The following RGS17 variants were observed in gnomAD, a reference collection of about 807,000 sequenced individuals.
RGS17 encodes regulator of G-protein signaling 17.
A neutral mutation model predicts 25.5 loss-of-function variants in RGS17; 12 were observed. The observed-to-expected ratio is 0.47, with a 90% CI of 0.30 to 0.76. The LOEUF (loss-of-function observed/expected upper bound fraction) is 0.76, where lower values mean the gene tolerates loss of function less well. Ranked by LOEUF, RGS17 falls within the 30% of genes least tolerant of loss-of-function variation. The pLI is 0.07. For missense variants in RGS17, 196 were observed against 242.2 expected (o/e 0.81, Z 1.27); for synonymous variants, 71 against 76.9 (o/e 0.92, Z 0.40).
At chr6:153,123,951 T>C (rs1777672176) in intron 1 of RGS17, among the ~76,000 whole-genome samples, 1 of 152,140 alleles carries the variant, frequency 6.6e-6, no homozygotes, top group African/African-American at 2.4e-5. Context: ...ACAAAGAGGG[T>C]TAAGCCTCCA....
At chr6:153,072,700 T>C (rs1367353976) in intron 1 of RGS17, among the ~76,000 whole-genome samples, 2 of 152,214 alleles carry the variant, frequency 1.3e-5, no homozygotes, top group East Asian at 3.9e-4. Context: ...AGAGGCCTCA[T>C]GCCCTGAAAG....
chr6:153,058,896 G>A (rs930425479), intron 1 of RGS17, among the ~76,000 whole-genome samples: 5 of 103,734 alleles, frequency 4.8e-5, no homozygotes, highest in South Asian at 4.6e-4. Flanking sequence ...ACTCGTTAGC[G>A]CATTTTTTTT....
intron 1 of RGS17, among the ~76,000 whole-genome samples, chr6:153,066,971 C>T (rs533713280): frequency 1.3e-5 from 2 of 152,070 alleles, no homozygotes; most frequent in Admixed American, 1.3e-4. Flanking sequence ...ACCTGGGAGG[C>T]GGAGCTTGCA....
At chr6:153,031,160 T>C (rs1213412148) in intron 2 of RGS17, among the ~76,000 whole-genome samples, 2 of 152,080 alleles carry the variant, frequency 1.3e-5, no homozygotes, top group African/African-American at 4.8e-5. Flanking sequence ...TCCAAGAAAA[T>C]GATGAGGTGG....
In RGS17 at chr6:153,086,714, A is replaced by G. The variant is rs184989629; in HGVS notation, c.-25-42671T>C. On this transcript the variant is annotated intron_variant, in intron 1 of 4. Coordinates refer to ENST00000206262, the MANE Select transcript of RGS17 (RefSeq NM_012419.5). ...CATATAGAGGAAGAAATTAAGATAC[A>G]GCGAGGTTAATAACATAACTTGCCC... Among the ~76,000 whole-genome samples, 142 of 152,364 alleles carry G rather than the reference A, an allele frequency of 9.3e-4. 2 individuals are homozygous for G. Among genetic ancestry groups the G allele is most frequent in the African/African-American group, 3.3e-3 (136 of 41,590 alleles).
chr6:153,110,832 C>T (rs535941476), intron 1 of RGS17, among the ~76,000 whole-genome samples: 11 of 152,264 alleles, frequency 7.2e-5, no homozygotes, highest in Admixed American at 1.3e-4. Context: ...GAAGCGCAAG[C>T]GGTTGGGGAA....
chr6:153,070,718 TACAC>T (rs1242102320), intron 1 of RGS17, among the ~76,000 whole-genome samples: 3 of 149,686 alleles, frequency 2.0e-5, no homozygotes, highest in Non-Finnish European at 3.0e-5. Flanking sequence ...CATATATATA[TACAC>T]ATATACATAT....
intron 1 of RGS17, among the ~76,000 whole-genome samples, chr6:153,081,297 T>C (rs1669407547): frequency 6.6e-6 from 1 of 152,144 alleles, no homozygotes; most frequent in African/African-American, 2.4e-5. Context: ...TACATGCACA[T>C]TTATCATTGT....
intron 4 of RGS17, among the ~76,000 whole-genome samples, chr6:153,022,083 C>T (rs1779253293): frequency 6.6e-6 from 1 of 152,114 alleles, no homozygotes; most frequent in Non-Finnish European, 1.5e-5. Context: ...TGGCGGGTGC[C>T]TGTAATCCCA....
chr6:153,070,884 C>CATATGTACATATGCGT (rs1224491301), intron 1 of RGS17, among the ~76,000 whole-genome samples: 1 of 149,484 alleles, frequency 6.7e-6, no homozygotes, highest in Non-Finnish European at 1.5e-5. Context: ...CCCATATACG[C>CATATGTACATATGCGT]ATATGTACAT....
intron 2 of RGS17, among the ~76,000 whole-genome samples, chr6:153,028,020 T>G (rs1416922110): frequency 6.6e-6 from 1 of 152,168 alleles, no homozygotes; most frequent in African/African-American, 2.4e-5. Flanking sequence ...GAAATATTAA[T>G]TTCTGACAAG....
intron 1 of RGS17, among the ~76,000 whole-genome samples, chr6:153,122,836 T>C (rs1777652158): frequency 6.6e-6 from 1 of 151,838 alleles, no homozygotes; most frequent in Non-Finnish European, 1.5e-5. Context: ...ATAACAATAA[T>C]AATCATAAGA....
At chr6:153,022,926 C>T (rs1284312094) in intron 4 of RGS17, among the ~76,000 whole-genome samples, 1 of 152,072 alleles carries the variant, frequency 6.6e-6, no homozygotes, top group African/African-American at 2.4e-5. Context: ...ATTAAATTCT[C>T]CCCACCTTGC....
chr6:153,071,799 G>A (rs2129117351), intron 1 of RGS17, among the ~76,000 whole-genome samples: 1 of 152,108 alleles, frequency 6.6e-6, no homozygotes, highest in East Asian at 1.9e-4. Context: ...GCATTGTTAG[G>A]GATAATCTAT....
intron 1 of RGS17, among the ~76,000 whole-genome samples, chr6:153,048,502 A>C (rs1040347759): frequency 6.6e-6 from 1 of 152,160 alleles, no homozygotes; most frequent in Non-Finnish European, 1.5e-5. Flanking sequence ...ATCCAATCCA[A>C]AACTTCCAGT....
intron 1 of RGS17, among the ~76,000 whole-genome samples, chr6:153,060,440 G>C (rs1776617534): frequency 6.6e-6 from 1 of 152,154 alleles, no homozygotes; most frequent in Non-Finnish European, 1.5e-5. Context: ...TTGGGAAGGT[G>C]CCCAGCACTG....
At chr6:153,074,424 G>A (rs970030683) in intron 1 of RGS17, among the ~76,000 whole-genome samples, 6 of 152,076 alleles carry the variant, frequency 3.9e-5, no homozygotes, top group Non-Finnish European at 7.4e-5. Flanking sequence ...GTTTGGGTCT[G>A]CATTCTTAAC....
intron 1 of RGS17, among the ~76,000 whole-genome samples, chr6:153,096,574 A>G (rs1777216607): frequency 6.6e-6 from 1 of 152,328 alleles, no homozygotes; most frequent in South Asian, 2.1e-4. Context: ...CAATCAAACT[A>G]GATGTTGATC....
At chr6:153,056,311 G>T (rs1776557397) in intron 1 of RGS17, among the ~76,000 whole-genome samples, 1 of 152,126 alleles carries the variant, frequency 6.6e-6, no homozygotes, top group Admixed American at 6.5e-5. Context: ...CTCTGAAGAA[G>T]AGAAAGATAA....
Sources: gnomAD v4.1 joint callset for allele counts (sites outside exome capture counted in the v4.1 genomes callset) on GRCh38, gnomAD v4.1.1 for gene constraint, MANE v1.5 for transcripts, NCBI Gene and HGNC (gene_info 2026-07-23, HGNC 2026-07-21) for gene names.